C8orf34: variants seen among roughly 807,000 people sequenced by gnomAD.
C8orf34 encodes the protein uncharacterized protein C8orf34.
A neutral mutation model predicts 68.3 loss-of-function variants in C8orf34; 65 were observed. That is an observed-to-expected ratio of 0.95 (90% CI 0.78 to 1.17). C8orf34 has a LOEUF of 1.17. Among genes scored for constraint, C8orf34 ranks in the 50% most tolerant of loss-of-function variants. The pLI is 0.00. For synonymous variants in C8orf34, 244 were observed against 241.2 expected, an observed-to-expected ratio of 1.01 and a Z score of -0.11; for missense variants, 664 against 655.4, an observed-to-expected ratio of 1.01 and a Z score of -0.14.
intron 8 of C8orf34, among the ~76,000 whole-genome samples, chr8:68,658,047 A>T (rs1055287344): frequency 6.6e-6 from 1 of 152,180 alleles, no homozygotes; most frequent in Admixed American, 6.5e-5. Flanking sequence ...TGATCATGTT[A>T]TCCAGCCAAC....
intron 10 of C8orf34, among the ~76,000 whole-genome samples, chr8:68,733,159 A>G (rs941981599): frequency 1.3e-5 from 2 of 152,176 alleles, no homozygotes; most frequent in African/African-American, 2.4e-5. Context: ...CTTAATTACT[A>G]TGTATAATAT....
At chr8:68,717,641 T>G (rs1487832535) in intron 9 of C8orf34, among the ~76,000 whole-genome samples, 1 of 152,198 alleles carries the variant, frequency 6.6e-6, no homozygotes, top group Non-Finnish European at 1.5e-5. Context: ...GTGTTTATTT[T>G]GTCTTTGTAA....
At chr8:68,537,464 C>CTTT (rs1043055508) in intron 7 of C8orf34, among the ~76,000 whole-genome samples, 1 of 139,066 alleles carries the variant, frequency 7.2e-6, no homozygotes, top group South Asian at 2.3e-4. Context: ...TTTTTATTTT[C>CTTT]TTTTTTTTTT....
At chr8:68,491,828 C>T (rs948148194) in intron 5 of C8orf34, among the ~76,000 whole-genome samples, 5 of 152,170 alleles carry the variant, frequency 3.3e-5, no homozygotes, top group Non-Finnish European at 7.3e-5. Flanking sequence ...CCCACACTGC[C>T]ACTATCCAAG....
At chr8:68,606,818 A>G (rs908307749) in intron 7 of C8orf34, among the ~76,000 whole-genome samples, 6 of 152,096 alleles carry the variant, frequency 3.9e-5, no homozygotes, top group Non-Finnish European at 7.4e-5. Flanking sequence ...CTCTGGTACC[A>G]TAGCACTTAA....
chr8:68,517,007 A>C (rs1444657592), intron 5 of C8orf34, among the ~76,000 whole-genome samples: 1 of 152,160 alleles, frequency 6.6e-6, no homozygotes, highest in African/African-American at 2.4e-5. Flanking sequence ...CTATACTTGA[A>C]AGGGCAAAGG....
intron 8 of C8orf34, among the ~76,000 whole-genome samples, chr8:68,668,625 G>C (rs1819914149): frequency 6.6e-6 from 1 of 152,164 alleles, no homozygotes; most frequent in Non-Finnish European, 1.5e-5. Flanking sequence ...TCTAGAAGCA[G>C]AATTTCCCAA....
chr8:68,545,382 A>G (rs1815841688), intron 7 of C8orf34, among the ~76,000 whole-genome samples: 1 of 152,046 alleles, frequency 6.6e-6, no homozygotes, highest in South Asian at 2.1e-4. Flanking sequence ...TCTTTTTATA[A>G]ATTACCTAGT....
chr8:68,688,626 C>T (rs1387063445), intron 8 of C8orf34, among the ~76,000 whole-genome samples: 1 of 152,098 alleles, frequency 6.6e-6, no homozygotes, highest in Non-Finnish European at 1.5e-5. Flanking sequence ...AAACGTGGTA[C>T]ATATACACCA....
chr8:68,592,930 G>A (rs532095926), intron 7 of C8orf34, among the ~76,000 whole-genome samples: 5 of 151,720 alleles, frequency 3.3e-5, no homozygotes, highest in East Asian at 3.9e-4. Context: ...TCTTTTATTC[G>A]ATGTGTTGAG....
chr8:68,772,456 C>T (rs1585859172), intron 10 of C8orf34, among the ~76,000 whole-genome samples: 1 of 152,160 alleles, frequency 6.6e-6, no homozygotes, highest in Non-Finnish European at 1.5e-5. Context: ...TATAAAATAA[C>T]CAGGGGACCG....
intron 10 of C8orf34, among the ~76,000 whole-genome samples, chr8:68,773,374 C>T (rs1040431585): frequency 6.6e-6 from 1 of 152,038 alleles, no homozygotes; most frequent in South Asian, 2.1e-4. Flanking sequence ...CTGTATTTTC[C>T]TCCAAGAATC....
chr8:68,562,426 A>G (rs1816460685), intron 7 of C8orf34, among the ~76,000 whole-genome samples: 1 of 152,160 alleles, frequency 6.6e-6, no homozygotes, highest in African/African-American at 2.4e-5. Context: ...GCATTGAGCA[A>G]ATCATTTCTG....
intron 7 of C8orf34, among the ~76,000 whole-genome samples, chr8:68,572,938 T>C (rs931103131): frequency 4.6e-5 from 7 of 152,164 alleles, no homozygotes; most frequent in African/African-American, 1.7e-4. Flanking sequence ...CCCTCAATAA[T>C]TGTGAGCTCT....
intron 8 of C8orf34, chr8:68,695,523 G>T (rs1820805826): frequency 6.6e-6 from 1 of 152,112 alleles, no homozygotes; most frequent in African/African-American, 2.4e-5. Context: ...AATTAACTTT[G>T]TATGCTTAAA....
In C8orf34 at chr8:68,612,473, T is replaced by C. The variant is rs76186958; in HGVS notation, c.1106-27903T>C. 5.5e-3 allele frequency among the ~76,000 whole-genome samples: 830 copies of C among 152,014 alleles called. 6 individuals are homozygous for C. The highest frequency in any genetic ancestry group is 0.024 in the Middle Eastern group (7 of 294). On this transcript the variant is annotated intron_variant, in intron 7 of 13. Coordinates refer to ENST00000518698, the MANE Select transcript of C8orf34 (RefSeq NM_052958.4). The stretch of plus-strand genomic sequence containing the variant: ...CCAGTATTCTGACATAATATAGAAA[T>C]AATATCTTGCCCCGGCTCAAGAAAA...
chr8:68,553,384 C>CAA (rs553767784), intron 7 of C8orf34, among the ~76,000 whole-genome samples: 30 of 13,592 alleles, frequency 2.2e-3, no homozygotes, highest in African/African-American at 3.3e-3. Flanking sequence ...GACTCCATCT[C>CAA]AAAAAAAAAA....
intron 7 of C8orf34, among the ~76,000 whole-genome samples, chr8:68,615,400 C>T (rs978517863): frequency 2.0e-5 from 3 of 151,574 alleles, no homozygotes; most frequent in Non-Finnish European, 4.4e-5. Context: ...AGTTTTTGCC[C>T]ATTCAGTATG....
intron 1 of C8orf34, among the ~76,000 whole-genome samples, chr8:68,409,666 T>C (rs1448403956): frequency 6.6e-6 from 1 of 152,064 alleles, no homozygotes; most frequent in Admixed American, 6.6e-5. Context: ...TTTTGTCAAT[T>C]TAGCATAGCC....
Sources: gnomAD v4.1 joint callset for allele counts (sites outside exome capture counted in the v4.1 genomes callset) on GRCh38, gnomAD v4.1.1 for gene constraint, MANE v1.5 for transcripts, NCBI Gene and HGNC (gene_info 2026-07-23, HGNC 2026-07-21) for gene names.